Variants in GMPR observed in about 807,000 individuals in gnomAD.
GMPR encodes guanosine monophosphate reductase.
Under a neutral mutation model 38.4 loss-of-function variants are expected in GMPR, and 31 were observed. That is an observed-to-expected ratio of 0.81 (90% CI 0.61 to 1.09). The LOEUF (loss-of-function observed/expected upper bound fraction) is 1.09, where lower values mean the gene tolerates loss of function less well. Ranked by LOEUF, GMPR falls within the 50% of genes least tolerant of loss-of-function variation. The probability of loss-of-function intolerance (pLI) is 0.00; values close to 1 mark genes in which losing one functional copy is unlikely to be tolerated. For missense variants in GMPR, 468 were observed against 453.7 expected, an observed-to-expected ratio of 1.03 and a Z score of -0.29; for synonymous variants, 162 against 173.3, an observed-to-expected ratio of 0.93 and a Z score of 0.51.
intron 1 of GMPR, among the ~76,000 whole-genome samples, chr6:16,240,733 ATTGTAACTAATG>A (rs1311189746): frequency 1.3e-5 from 2 of 152,250 alleles, no homozygotes; most frequent in Non-Finnish European, 2.9e-5. Context: ...ATTTGGGCAG[ATTGTAACTAATG>A]TTCCAGTTTG....
intron 4 of GMPR, among the ~76,000 whole-genome samples, chr6:16,266,327 A>T (rs1379069926): frequency 6.6e-6 from 1 of 150,452 alleles, no homozygotes; most frequent in Non-Finnish European, 1.5e-5. Context: ...AGGAACGAAC[A>T]ACTCTGGGTG....
At position 16,269,949 on chromosome 6, in the gene GMPR, ATC is replaced by A. The variant is rs1453843719; in HGVS notation, c.466-4459_466-4458del. On this transcript the variant is annotated intron_variant, in intron 4 of 8. Coordinates refer to ENST00000259727, the MANE Select transcript of GMPR (RefSeq NM_006877.4). ...ATCTTTTCATTGTCACCTCATGTGG[ATC>A]TCTCTCAGTCCTCTCTTAGACGGCC... Among the ~76,000 whole-genome samples the A allele has an allele frequency of 4.6e-5, 7 of 151,950 alleles. No individual in the cohort carries two copies. In the South Asian group the frequency reaches 1.5e-3, roughly 32 times the overall value.
At position 16,240,560 on chromosome 6, in the gene GMPR, C is replaced by T. The variant is rs554582438; in HGVS notation, c.87+1780C>T. On this transcript the variant is annotated intron_variant, in intron 1 of 8. Transcript: ENST00000259727. ...CTGAGGCGGGAGGATGGCTTGAGCCCAGGAGCTGGAGGTTACAGTGAGCTA... is the reference window on the plus strand; with the variant it reads ...CTGAGGCGGGAGGATGGCTTGAGCCTAGGAGCTGGAGGTTACAGTGAGCTA... Among the ~76,000 whole-genome samples the T allele has an allele frequency of 2.6e-5, 4 of 152,318 alleles. No homozygotes were observed. The South Asian group carries it at 8.3e-4, about 32-fold the overall frequency.
In GMPR at chr6:16,282,583, G is replaced by A. The variant is rs184621253; in HGVS notation, c.655-3210G>A. Among the ~76,000 whole-genome samples, 9 of 152,166 alleles carry A rather than the reference G, an allele frequency of 5.9e-5. No homozygotes were observed. The East Asian group carries it at 7.7e-4, about 13-fold the overall frequency. ...TGAGCCTCTTTCCACCGTCCCCGCC[G>A]TCTACGCAATATCTCCTTCAGGTTC... On this transcript the variant is annotated intron_variant, in intron 6 of 8. Coordinates refer to ENST00000259727, the MANE Select transcript of GMPR (RefSeq NM_006877.4).
Position 16,268,616 on chromosome 6 carries a change from A to G in GMPR, c.466-5799A>G, listed in dbSNP as rs111292050. Among the ~76,000 whole-genome samples, 52 of 152,186 alleles carry G rather than the reference A, an allele frequency of 3.4e-4. 1 individual carries two copies. Among genetic ancestry groups the G allele is most frequent in the African/African-American group, 1.2e-3 (49 of 41,448 alleles). On this transcript the variant is annotated intron_variant, in intron 4 of 8. Coordinates refer to ENST00000259727, the MANE Select transcript of GMPR (RefSeq NM_006877.4). Reference sequence around the variant, plus strand: ...TTTATGTTAGGGGTTGGCACATCACAGCCTGTGGGCCAAATCTAGCCGCCT... The same window carrying G: ...TTTATGTTAGGGGTTGGCACATCACGGCCTGTGGGCCAAATCTAGCCGCCT...
intron 3 of GMPR, among the ~76,000 whole-genome samples, chr6:16,253,616 T>TGGG (rs140790026): frequency 4.0e-5 from 6 of 150,444 alleles, no homozygotes; most frequent in African/African-American, 1.2e-4. Context: ...CCACCTCCAC[T>TGGG]GGGGGGGGGT....
intron 5 of GMPR, among the ~76,000 whole-genome samples, chr6:16,278,093 G>C (rs772378658): frequency 1.3e-5 from 2 of 152,174 alleles, no homozygotes; most frequent in Non-Finnish European, 2.9e-5. Context: ...CCCTGGCCTG[G>C]AAGTGAACCT....
chr6:16,253,676 A>G (rs778241385), intron 3 of GMPR, among the ~76,000 whole-genome samples: 7 of 152,190 alleles, frequency 4.6e-5, no homozygotes, highest in Non-Finnish European at 1.0e-4. Context: ...ACTATGTCAC[A>G]TGCTGCACTA....
chr6:16,268,665 C>G (rs1403488175), intron 4 of GMPR, among the ~76,000 whole-genome samples: 1 of 152,174 alleles, frequency 6.6e-6, no homozygotes, highest in Non-Finnish European at 1.5e-5. Flanking sequence ...CAACCCTTGC[C>G]TTTTATCATC....
chr6:16,259,495 T>G (rs1759039946), intron 4 of GMPR: 1 of 151,528 alleles, frequency 6.6e-6, no homozygotes, highest in African/African-American at 2.4e-5. Context: ...ACGGTGAAAA[T>G]TTTTGGGGAT....
chr6:16,254,783 C>A, intron 4 of GMPR, 48 bp downstream of exon 4: 1 of 1,379,906 alleles, frequency 7.2e-7, no homozygotes. Flanking sequence ...GATGGGGAAG[C>A]CACGAGGGAG....
chr6:16,276,186 T>C (rs1759469053), intron 5 of GMPR, among the ~76,000 whole-genome samples: 2 of 152,142 alleles, frequency 1.3e-5, no homozygotes, highest in Admixed American at 6.5e-5. Flanking sequence ...GCTTTATTTT[T>C]TTTGAGACAG....
At chr6:16,248,603 A>G (rs1758804872) in intron 2 of GMPR, among the ~76,000 whole-genome samples, 1 of 152,118 alleles carries the variant, frequency 6.6e-6, no homozygotes, top group African/African-American at 2.4e-5. Flanking sequence ...TGAGCTCCCA[A>G]AATGGAGTAG....
intron 3 of GMPR, among the ~76,000 whole-genome samples, chr6:16,252,878 T>G (rs1428556970): frequency 6.6e-6 from 1 of 152,242 alleles, no homozygotes; most frequent in Non-Finnish European, 1.5e-5. Context: ...ATGTGTCATG[T>G]TAACCATCAG....
intron 7 of GMPR, among the ~76,000 whole-genome samples, chr6:16,288,743 C>T (rs1412250543): frequency 1.3e-5 from 2 of 152,236 alleles, no homozygotes; most frequent in African/African-American, 4.8e-5. Flanking sequence ...ACGTGGAGAA[C>T]CTTTATGTCT....
At chr6:16,269,360 A>G (rs1422405024) in intron 4 of GMPR, among the ~76,000 whole-genome samples, 1 of 152,236 alleles carries the variant, frequency 6.6e-6, no homozygotes, top group Non-Finnish European at 1.5e-5. Context: ...TTATTTTGCC[A>G]TAGATGTTGA....
chr6:16,294,519 C>G (rs549314661), intron 8 of GMPR, among the ~76,000 whole-genome samples: 4 of 152,320 alleles, frequency 2.6e-5, no homozygotes, highest in African/African-American at 9.6e-5. Context: ...AAGCTCTGGA[C>G]TTTTCCTGTT....
At chr6:16,287,776 T>TA (rs1759716299) in intron 7 of GMPR, among the ~76,000 whole-genome samples, 1 of 152,160 alleles carries the variant, frequency 6.6e-6, no homozygotes, top group Admixed American at 6.5e-5. Flanking sequence ...GGGAGGGTCT[T>TA]AAGAGGTTGC....
intron 7 of GMPR, chr6:16,289,435 C>T (rs1478277346): frequency 6.6e-6 from 1 of 152,306 alleles, no homozygotes; most frequent in African/African-American, 2.4e-5. Context: ...GCTAATCATT[C>T]AGCGTCTATC....
Sources: allele counts gnomAD v4.1 joint callset (sites outside exome capture counted in the v4.1 genomes callset), GRCh38; gene constraint gnomAD v4.1.1; transcripts MANE v1.5; gene names NCBI Gene and HGNC (gene_info 2026-07-23, HGNC 2026-07-21).